Variants in NPHP4 observed in about 807,000 individuals in gnomAD.
NPHP4 encodes nephrocystin-4.
NPHP4 carries 151 observed loss-of-function variants against 155.8 expected under a neutral mutation model. The ratio of observed to expected loss-of-function variants is 0.97; its 90% confidence interval spans 0.85 to 1.11. NPHP4 has a LOEUF of 1.11. NPHP4 is among the 50% of genes least tolerant of loss of function. The pLI is 0.00. For synonymous variants in NPHP4, 845 were observed against 816.8 expected (o/e 1.03, Z -0.59); for missense variants, 1,956 against 1,925.7 (o/e 1.02, Z -0.29).
intron 3 of NPHP4, among the ~76,000 whole-genome samples, chr1:5,971,548 C>T (rs114713743): frequency 6.6e-5 from 10 of 152,294 alleles, no homozygotes; most frequent in Non-Finnish European, 1.0e-4. Flanking sequence ...GCTTCATAAA[C>T]GACAGATGAG....
At chr1:5,904,907 T>TA in intron 15 of NPHP4, 103 bp from the exon 16 acceptor site, 6 of 1,180,096 alleles carry the variant, frequency 5.1e-6, no homozygotes, top group Non-Finnish European at 7.5e-6. Context: ...CCTTAGTCGC[T>TA]GGGGAACAGT....
intron 27 of NPHP4, 141 bp from the exon 28 acceptor site, chr1:5,864,658 C>A: frequency 2.9e-6 from 2 of 685,214 alleles, no homozygotes; most frequent in Non-Finnish European, 4.8e-6. Flanking sequence ...AGGCCACAAC[C>A]AACCCTGACA....
chr1:5,903,274 C>T (rs1382467942), intron 16 of NPHP4, among the ~76,000 whole-genome samples: 1 of 152,180 alleles, frequency 6.6e-6, no homozygotes, highest in African/African-American at 2.4e-5. Flanking sequence ...GTTAGAAGAT[C>T]GCGGATTCAG....
At chr1:5,923,950 GCAAGC>G (rs1645871650) in intron 11 of NPHP4, among the ~76,000 whole-genome samples, 1 of 152,192 alleles carries the variant, frequency 6.6e-6, no homozygotes, top group Non-Finnish European at 1.5e-5. Context: ...ATTAGAATTA[GCAAGC>G]CAGGATATTA....
intron 16 of NPHP4, among the ~76,000 whole-genome samples, chr1:5,894,681 C>T (rs1644306014): frequency 6.6e-6 from 1 of 150,814 alleles, no homozygotes; most frequent in Admixed American, 6.6e-5. Flanking sequence ...ATGAATTAAG[C>T]AGCTCAAAAA....
At chr1:5,899,491 G>C (rs575459511) in intron 16 of NPHP4, among the ~76,000 whole-genome samples, 1 of 152,224 alleles carries the variant, frequency 6.6e-6, no homozygotes, top group Non-Finnish European at 1.5e-5. Context: ...GGTTCCCTTG[G>C]GGGAGGTGAA....
intron 7 of NPHP4, 55 bp from the exon 8 acceptor site, chr1:5,948,306 C>G: frequency 1.5e-6 from 2 of 1,370,394 alleles, no homozygotes; most frequent in Non-Finnish European, 1.9e-6. Context: ...AGGGAGCTCG[C>G]CAGAAGTCCC....
At chr1:5,986,921 T>C (rs1485303935) in intron 1 of NPHP4, among the ~76,000 whole-genome samples, 2 of 151,982 alleles carry the variant, frequency 1.3e-5, no homozygotes, top group East Asian at 1.9e-4. Flanking sequence ...AAGACTGTCT[T>C]GTAGGGGACC....
intron 19 of NPHP4, among the ~76,000 whole-genome samples, chr1:5,878,393 G>A (rs1389075396): frequency 1.3e-5 from 2 of 152,252 alleles, no homozygotes; most frequent in African/African-American, 4.8e-5. Flanking sequence ...TGAGCTACCT[G>A]CAGCCACGGC....
At chr1:5,986,963 G>T (rs1655579959) in intron 1 of NPHP4, among the ~76,000 whole-genome samples, 1 of 152,018 alleles carries the variant, frequency 6.6e-6, no homozygotes, top group South Asian at 2.1e-4. Context: ...TACAGCCCTT[G>T]GGCCAAGAGG....
At position 5,927,770 on chromosome 1, in the gene NPHP4, C is replaced by T. The variant is rs775008568; in HGVS notation, c.1320G>A (p.Ser440=). The change falls in exon 11 of 30, where the codon TCG becomes TCA. Residue 440 remains serine, a synonymous_variant. Coordinates refer to ENST00000378156, the MANE Select transcript of NPHP4 (RefSeq NM_015102.5). The part of the protein sequence containing the change: ...MSSEEVKQVE[S]GTLRFQFSLG... The stretch of plus-strand genomic sequence containing the variant: ...GCGAGAACTGGAACCGGAGTGTACC[C>T]GACTCCACCTGCTTCACCTGCAATG... 19 of 1,611,046 alleles carry T rather than the reference C, an allele frequency of 1.2e-5. No individual in the cohort carries two copies. Among genetic ancestry groups the T allele is most frequent in the Middle Eastern group, 1.6e-4 (1 of 6,076 alleles).
At chr1:5,930,778 C>T (rs956704319) in intron 10 of NPHP4, among the ~76,000 whole-genome samples, 9 of 152,170 alleles carry the variant, frequency 5.9e-5, no homozygotes, top group Admixed American at 5.9e-4. Context: ...AATATCATTC[C>T]GATCCAGTTG....
At chr1:5,906,049 A>G (rs1208200309) in intron 13 of NPHP4, among the ~76,000 whole-genome samples, 17 of 152,246 alleles carry the variant, frequency 1.1e-4, no homozygotes, top group Non-Finnish European at 2.9e-5. Flanking sequence ...TGGGCATCCT[A>G]TATTTCACGT....
intron 11 of NPHP4, among the ~76,000 whole-genome samples, chr1:5,922,321 C>T (rs1167481885): frequency 6.6e-6 from 1 of 152,364 alleles, no homozygotes; most frequent in African/African-American, 2.4e-5. Flanking sequence ...GCTCCTGTTG[C>T]AACGTCACTA....
At chr1:5,989,748 T>C (rs993257136) in intron 1 of NPHP4, among the ~76,000 whole-genome samples, 1 of 152,186 alleles carries the variant, frequency 6.6e-6, no homozygotes. Flanking sequence ...CTGCCCCAGA[T>C]TTCTGACCCG....
chr1:5,924,290 A>C (rs1478308944), intron 11 of NPHP4, among the ~76,000 whole-genome samples: 1 of 152,172 alleles, frequency 6.6e-6, no homozygotes, highest in Non-Finnish European at 1.5e-5. Flanking sequence ...CCTCTGAATG[A>C]GAGGATGAGA....
chr1:5,951,210 C>T (rs917523456), intron 7 of NPHP4, among the ~76,000 whole-genome samples: 1 of 152,314 alleles, frequency 6.6e-6, no homozygotes, highest in South Asian at 2.1e-4. Context: ...CTGTGGGTGC[C>T]GGGCCCAAGG....
intron 5 of NPHP4, among the ~76,000 whole-genome samples, chr1:5,966,857 C>A (rs954547816): frequency 3.3e-5 from 5 of 152,194 alleles, no homozygotes; most frequent in African/African-American, 1.2e-4. Flanking sequence ...TGCCTGGGAA[C>A]GGCTGGTCAC....
At chr1:5,939,461 C>T (rs1394434091) in intron 9 of NPHP4, among the ~76,000 whole-genome samples, 2 of 152,260 alleles carry the variant, frequency 1.3e-5, no homozygotes, top group African/African-American at 2.4e-5. Context: ...GTGGGCACTG[C>T]AGGGCCTGGG....
Sources: allele counts gnomAD v4.1 joint callset (sites outside exome capture counted in the v4.1 genomes callset), GRCh38; gene constraint gnomAD v4.1.1; transcripts MANE v1.5; gene names NCBI Gene and HGNC (gene_info 2026-07-23, HGNC 2026-07-21).